Variants in KIF2A observed in about 807,000 individuals in gnomAD.
The protein encoded by KIF2A is kinesin-like protein KIF2A.
Under a neutral mutation model 100.2 loss-of-function variants are expected in KIF2A, and 22 were observed. The observed-to-expected ratio is 0.22, with a 90% CI of 0.16 to 0.31. KIF2A has a LOEUF of 0.31. Among genes scored for constraint, KIF2A ranks in the 10% least tolerant of loss-of-function variants. The probability of loss-of-function intolerance (pLI) is 1.00; values close to 1 mark genes in which losing one functional copy is unlikely to be tolerated. For synonymous variants in KIF2A, 268 were observed against 285.9 expected (o/e 0.94, Z 0.63); for missense variants, 495 against 898.7 (o/e 0.55, Z 5.74).
intron 1 of KIF2A, among the ~76,000 whole-genome samples, chr5:62,331,445 A>G (rs1027327630): frequency 1.3e-5 from 2 of 151,780 alleles, no homozygotes; most frequent in Non-Finnish European, 2.9e-5. Context: ...CTGGGATTGC[A>G]GGCACGGTGG....
chr5:62,317,545 G>T (rs1366624034), intron 1 of KIF2A, among the ~76,000 whole-genome samples: 1 of 152,192 alleles, frequency 6.6e-6, no homozygotes, highest in Admixed American at 6.5e-5. Flanking sequence ...AACATAGTTT[G>T]TCTGCCCCCA....
intron 12 of KIF2A, among the ~76,000 whole-genome samples, chr5:62,362,914 T>A (rs1327660390): frequency 6.6e-6 from 1 of 152,196 alleles, no homozygotes; most frequent in Non-Finnish European, 1.5e-5. Context: ...GTAGCTTCAA[T>A]CTCCTGAGCT....
chr5:62,350,049 A>G lies in KIF2A; in HGVS notation c.280-17A>G, dbSNP rs373670365. 5 of 1,559,528 alleles carry G rather than the reference A, an allele frequency of 3.2e-6. No individual in the cohort carries two copies. The highest frequency in any genetic ancestry group is 1.7e-6 in the Non-Finnish European group (2 of 1,143,634). Reference sequence around the variant, plus strand: ...AGTAAAGATAGAAAACATAATGAACATTTTTTCCTTTCATAGAATCGACGG... The same window carrying G: ...AGTAAAGATAGAAAACATAATGAACGTTTTTTCCTTTCATAGAATCGACGG... On this transcript the variant is annotated splice_polypyrimidine_tract_variant and intron_variant, in intron 3 of 20. Coordinates refer to ENST00000407818, the MANE Select transcript of KIF2A (RefSeq NM_001098511.3).
intron 1 of KIF2A, among the ~76,000 whole-genome samples, chr5:62,330,800 C>G (rs972244787): frequency 6.6e-6 from 1 of 152,046 alleles, no homozygotes; most frequent in Admixed American, 6.5e-5. Flanking sequence ...AGAATAGACA[C>G]ACTATATATT....
At chr5:62,322,022 T>G (rs567336111) in intron 1 of KIF2A, among the ~76,000 whole-genome samples, 2 of 152,274 alleles carry the variant, frequency 1.3e-5, no homozygotes, top group South Asian at 2.1e-4. Flanking sequence ...CAGGCCCAAG[T>G]GCTTCTCCCA....
intron 19 of KIF2A, among the ~76,000 whole-genome samples, chr5:62,380,670 A>C (rs115566710): frequency 8.9e-4 from 135 of 152,350 alleles, no homozygotes; most frequent in African/African-American, 3.2e-3. Flanking sequence ...TCTTACCACA[A>C]AGTAAGCTAG....
chr5:62,345,570 G>C (rs1213131868), intron 1 of KIF2A, among the ~76,000 whole-genome samples: 1 of 152,086 alleles, frequency 6.6e-6, no homozygotes, highest in Non-Finnish European at 1.5e-5. Context: ...GGCCAAGGCA[G>C]GTGGATTCCC....
At chr5:62,331,590 A>G (rs1278268984) in intron 1 of KIF2A, among the ~76,000 whole-genome samples, 2 of 152,178 alleles carry the variant, frequency 1.3e-5, no homozygotes, top group Non-Finnish European at 2.9e-5. Context: ...ACTCCGTCTC[A>G]AGAAAAAAAA....
At chr5:62,383,572 C>T (rs1741885716) in intron 20 of KIF2A, among the ~76,000 whole-genome samples, 1 of 152,070 alleles carries the variant, frequency 6.6e-6, no homozygotes, top group Admixed American at 6.6e-5. Context: ...ATGAGATGTT[C>T]AACACATATA....
intron 1 of KIF2A, among the ~76,000 whole-genome samples, chr5:62,317,939 T>C (rs1185921183): frequency 2.0e-5 from 3 of 152,236 alleles, no homozygotes; most frequent in Non-Finnish European, 4.4e-5. Flanking sequence ...CACAAGACTT[T>C]AGACAATTTA....
At chr5:62,350,202 C>T in intron 4 of KIF2A, 82 bp downstream of exon 4, 1 of 718,578 alleles carries the variant, frequency 1.4e-6, no homozygotes, top group Non-Finnish European at 2.3e-6. Flanking sequence ...GTAAACATTA[C>T]CCTTGATGTT....
intron 1 of KIF2A, among the ~76,000 whole-genome samples, chr5:62,333,761 G>GA (rs927352407): frequency 5.3e-5 from 8 of 152,136 alleles, no homozygotes; most frequent in African/African-American, 1.9e-4. Context: ...TCCCTGCAGA[G>GA]AAGGGGTACC....
At chr5:62,306,639 G>T in intron 1 of KIF2A, 103 bp downstream of exon 1, 1 of 959,534 alleles carries the variant, frequency 1.0e-6, no homozygotes. Context: ...TCGCCGGGCT[G>T]TGGGGGTGGG....
At chr5:62,312,346 G>A (rs1251824285) in intron 1 of KIF2A, among the ~76,000 whole-genome samples, 1 of 152,184 alleles carries the variant, frequency 6.6e-6, no homozygotes, top group Non-Finnish European at 1.5e-5. Context: ...TAAGACAAGG[G>A]GCAAGAGTGT....
intron 1 of KIF2A, among the ~76,000 whole-genome samples, chr5:62,343,442 A>G (rs916638940): frequency 1.3e-5 from 2 of 152,210 alleles, no homozygotes; most frequent in East Asian, 3.8e-4. Flanking sequence ...GATAGGAATC[A>G]GACAATTAAA....
At chr5:62,330,273 C>T (rs567341163) in intron 1 of KIF2A, among the ~76,000 whole-genome samples, 1 of 152,012 alleles carries the variant, frequency 6.6e-6, no homozygotes, top group Non-Finnish European at 1.5e-5. Flanking sequence ...ATCACTTGAG[C>T]CCAGAAGGCA....
intron 14 of KIF2A, among the ~76,000 whole-genome samples, chr5:62,364,893 G>A (rs541134272): frequency 1.4e-4 from 21 of 152,218 alleles, no homozygotes; most frequent in Non-Finnish European, 2.9e-4. Flanking sequence ...TCAGGAGTTC[G>A]ATACCAGCCT....
At chr5:62,308,023 C>T (rs1745397405) in intron 1 of KIF2A, among the ~76,000 whole-genome samples, 1 of 152,206 alleles carries the variant, frequency 6.6e-6, no homozygotes, top group Admixed American at 6.5e-5. Flanking sequence ...CAGGTTTGAC[C>T]AAGTTACGTG....
intron 19 of KIF2A, among the ~76,000 whole-genome samples, chr5:62,380,602 A>C (rs533287454): frequency 1.5e-4 from 23 of 152,324 alleles, no homozygotes; most frequent in African/African-American, 5.5e-4. Context: ...AAGCCTTACC[A>C]ATAACATAAA....
Sources: gnomAD v4.1 joint callset for allele counts (sites outside exome capture counted in the v4.1 genomes callset) on GRCh38, gnomAD v4.1.1 for gene constraint, MANE v1.5 for transcripts, NCBI Gene and HGNC (gene_info 2026-07-23, HGNC 2026-07-21) for gene names.